Variants in HCRTR2 observed in about 807,000 individuals in gnomAD.
HCRTR2 encodes orexin receptor type 2.
Under a neutral mutation model 49.0 loss-of-function variants are expected in HCRTR2, and 22 were observed. The ratio of observed to expected loss-of-function variants is 0.45; its 90% confidence interval spans 0.32 to 0.64. The LOEUF is 0.64. Ranked by LOEUF, HCRTR2 falls within the 30% of genes least tolerant of loss-of-function variation. The pLI, the probability that HCRTR2 is intolerant of heterozygous loss-of-function variation, is 0.04. For synonymous variants in HCRTR2, 236 were observed against 205.3 expected, an observed-to-expected ratio of 1.15 and a Z score of -1.28; for missense variants, 491 against 559.4, an observed-to-expected ratio of 0.88 and a Z score of 1.23.
intron 3 of HCRTR2, among the ~76,000 whole-genome samples, chr6:55,261,883 C>A (rs1037663309): frequency 5.3e-5 from 8 of 151,994 alleles, no homozygotes; most frequent in Non-Finnish European, 8.8e-5. Flanking sequence ...AGCCCAAATG[C>A]CCATCAATCA....
chr6:55,111,376 C>T (rs1171980996), intron 1 of HCRTR2, among the ~76,000 whole-genome samples: 1 of 151,928 alleles, frequency 6.6e-6, no homozygotes, highest in African/African-American at 2.4e-5. Context: ...AAACAAAAAG[C>T]TGTTTCTTTG....
At chr6:55,198,371 A>G (rs1419668083) in intron 1 of HCRTR2, among the ~76,000 whole-genome samples, 1 of 152,122 alleles carries the variant, frequency 6.6e-6, no homozygotes, top group Non-Finnish European at 1.5e-5. Flanking sequence ...TTTAACTCTT[A>G]CCCTAGCTCT....
intron 4 of HCRTR2, among the ~76,000 whole-genome samples, chr6:55,270,203 A>C (rs1359232526): frequency 6.6e-6 from 1 of 152,220 alleles, no homozygotes; most frequent in Non-Finnish European, 1.5e-5. Flanking sequence ...AACAAAAATA[A>C]TGAAAAGGAA....
chr6:55,145,780 A>G (rs1270163920), intron 1 of HCRTR2, among the ~76,000 whole-genome samples: 1 of 151,956 alleles, frequency 6.6e-6, no homozygotes, highest in Non-Finnish European at 1.5e-5. Flanking sequence ...ATAGCCACAT[A>G]CCATACCATA....
chr6:55,240,073 G>C (rs968734918), intron 1 of HCRTR2, among the ~76,000 whole-genome samples: 5 of 151,776 alleles, frequency 3.3e-5, no homozygotes, highest in African/African-American at 1.2e-4. Flanking sequence ...CACCGCGCCC[G>C]GCCAGTAAAT....
intron 1 of HCRTR2, among the ~76,000 whole-genome samples, chr6:55,153,330 T>C (rs1408019091): frequency 6.6e-6 from 1 of 152,016 alleles, no homozygotes; most frequent in Non-Finnish European, 1.5e-5. Flanking sequence ...ACCTAGATGG[T>C]ATAGCTTACT....
intron 1 of HCRTR2, among the ~76,000 whole-genome samples, chr6:55,126,408 T>C (rs937743761): frequency 2.6e-5 from 4 of 152,172 alleles, no homozygotes; most frequent in Non-Finnish European, 5.9e-5. Flanking sequence ...CTGACCCTGT[T>C]TGCCTGAGTA....
rs199689130 is a variant in HCRTR2, at chr6:55,179,354, T to TA, written c.223+4545dup. Reference sequence around the variant, plus strand: ...CATGAATAGTGACTGTAAAAGGTAATATTAACTATTAGGCTTTAAACCTAT... The same window carrying TA: ...CATGAATAGTGACTGTAAAAGGTAATAATTAACTATTAGGCTTTAAACCTAT... On this transcript the variant is annotated intron_variant, in intron 1 of 6. Coordinates refer to ENST00000370862, the MANE Select transcript of HCRTR2 (RefSeq NM_001384272.1). 6.2e-4 allele frequency among the ~76,000 whole-genome samples: 95 copies of TA among 152,298 alleles called. 2 individuals are homozygous for TA. The East Asian group carries it at 0.018, about 29-fold the overall frequency.
intron 1 of HCRTR2, among the ~76,000 whole-genome samples, chr6:55,119,847 T>A (rs189802082): frequency 1.3e-5 from 2 of 152,088 alleles, no homozygotes; most frequent in African/African-American, 2.4e-5. Context: ...TCTTTTCCCA[T>A]GCCTATGTCC....
At chr6:55,278,520 T>A (rs887461013) in intron 5 of HCRTR2, among the ~76,000 whole-genome samples, 3 of 151,996 alleles carry the variant, frequency 2.0e-5, no homozygotes, top group African/African-American at 7.3e-5. Context: ...TCTCATTCTC[T>A]TTGGCCCCTG....
rs570116030 is a variant in HCRTR2, at chr6:55,237,822, C to T, written c.224-10817C>T. Among the ~76,000 whole-genome samples, 455 of 152,270 alleles carry T rather than the reference C, an allele frequency of 3.0e-3. 2 individuals carry two copies. Among genetic ancestry groups the T allele is most frequent in the African/African-American group, 0.01 (429 of 41,560 alleles). On this transcript the variant is annotated intron_variant, in intron 1 of 6. Coordinates refer to ENST00000370862, the MANE Select transcript of HCRTR2 (RefSeq NM_001384272.1). The stretch of plus-strand genomic sequence containing the variant: ...TAATAGTAAAACAAATGTATACTTT[C>T]GTACTACAATATTTAGTACTTCAGA...
intron 1 of HCRTR2, among the ~76,000 whole-genome samples, chr6:55,195,624 A>G (rs997953186): frequency 1.2e-4 from 18 of 152,302 alleles, no homozygotes; most frequent in Admixed American, 1.2e-3. Flanking sequence ...TCTTGAGGAA[A>G]TGGATATCCC....
At chr6:55,245,529 CT>C (rs1250883947) in intron 1 of HCRTR2, among the ~76,000 whole-genome samples, 6 of 135,218 alleles carry the variant, frequency 4.4e-5, no homozygotes, top group African/African-American at 1.7e-4. Flanking sequence ...TGTGCCTTGG[CT>C]TTTAAAAAAG....
chr6:55,188,794 G>A (rs887951005), intron 1 of HCRTR2, among the ~76,000 whole-genome samples: 2 of 152,184 alleles, frequency 1.3e-5, no homozygotes, highest in Non-Finnish European at 2.9e-5. Flanking sequence ...AGAGGCATAT[G>A]CTAAGTCTCA....
intron 1 of HCRTR2, among the ~76,000 whole-genome samples, chr6:55,121,273 T>C (rs572605838): frequency 5.4e-4 from 82 of 152,162 alleles, no homozygotes; most frequent in African/African-American, 1.9e-3. Flanking sequence ...TGGCTCTCTG[T>C]TTGTCTGTTA....
chr6:55,282,134 G>A lies in HCRTR2; in HGVS notation c.1106-91G>A, dbSNP rs2127335421. On this transcript the variant is annotated intron_variant, in intron 6 of 6. Transcript: ENST00000370862. ...AATATTACACCTCATTGTTAGTTTG[G>A]CTCAAGGGAGCAACTCAGTTGTACC... 3 of 889,220 alleles carry A rather than the reference G, an allele frequency of 3.4e-6. No homozygotes were observed. The South Asian group carries it at 4.3e-5, about 13-fold the overall frequency. The allele number at this position is 889,220 out of a possible 1,614,324, so 55.1% of individuals were successfully genotyped here.
chr6:55,180,349 A>G (rs1158344866), intron 1 of HCRTR2, among the ~76,000 whole-genome samples: 2 of 152,122 alleles, frequency 1.3e-5, no homozygotes, highest in Admixed American at 1.3e-4. Context: ...CTGACTGGAG[A>G]TGCATAGGCA....
intron 1 of HCRTR2, among the ~76,000 whole-genome samples, chr6:55,155,178 C>T (rs1264946975): frequency 6.6e-6 from 1 of 150,570 alleles, no homozygotes; most frequent in Admixed American, 6.7e-5. Flanking sequence ...AATGCAATCC[C>T]TATCAAAATA....
At chr6:55,143,429 C>G (rs1184027514) in intron 1 of HCRTR2, among the ~76,000 whole-genome samples, 1 of 152,094 alleles carries the variant, frequency 6.6e-6, no homozygotes, top group African/African-American at 2.4e-5. Context: ...ATGTCTTTGC[C>G]TTCCCTGCAA....
Sources: allele counts gnomAD v4.1 joint callset (sites outside exome capture counted in the v4.1 genomes callset), GRCh38; gene constraint gnomAD v4.1.1; transcripts MANE v1.5; gene names NCBI Gene and HGNC (gene_info 2026-07-23, HGNC 2026-07-21).